Variants in MRPS6 observed in about 807,000 individuals in gnomAD.
The protein encoded by MRPS6 is mitochondrial ribosomal protein S6.
Under a neutral mutation model 13.1 loss-of-function variants are expected in MRPS6, and 6 were observed. That is an observed-to-expected ratio of 0.46 (90% confidence interval 0.25 to 0.91). MRPS6 has a LOEUF of 0.91. Among genes scored for constraint, MRPS6 ranks in the 40% least tolerant of loss-of-function variants. The probability of loss-of-function intolerance (pLI) is 0.18; values close to 1 mark genes in which losing one functional copy is unlikely to be tolerated. For synonymous variants in MRPS6, 61 were observed against 56.5 expected (o/e 1.08, Z -0.36); for missense variants, 164 against 155.6 (o/e 1.05, Z -0.29).
chr21:34,099,057 TAATTTTAGA>T, intron 1 of MRPS6: 1 of 998,760 alleles, frequency 1.0e-6, no homozygotes, highest in African/African-American at 1.7e-5. Flanking sequence ...AGTCCAAAGT[TAATTTTAGA>T]AATTGTCAGG....
In MRPS6 at chr21:34,142,418, G is replaced by T. The variant is rs748915163; in HGVS notation, c.196G>T (p.Val66Leu). 1.3e-6 allele frequency: 2 copies of T among 1,568,476 alleles called. No homozygotes were observed. Among genetic ancestry groups the T allele is most frequent in the East Asian group, 2.3e-5 (1 of 44,208 alleles). Reference protein sequence around the residue: ...QQHNRGGYFLVDFYAPTAAVE... With the variant: ...QQHNRGGYFLLDFYAPTAAVE... The stretch of plus-strand genomic sequence containing the variant: ...TTTATTTTATTGCAGGTATTTCTTG[G>T]TGGATTTTTATGCACCCACCGCAGC... The change falls in exon 3 of 3, where the codon GTG (valine) becomes TTG (leucine). Residue 66 changes from valine to leucine, a missense_variant. Physicochemically the swap from Val to Leu is conservative, Grantham distance 32 (BLOSUM62 1). Transcript: ENST00000399312.
Position 34,142,873 on chromosome 21 carries a change from T to C in MRPS6, c.*273T>C. The C allele has an allele frequency of 3.5e-6, 1 of 282,764 alleles. No homozygotes were observed. The highest frequency in any genetic ancestry group is 6.5e-6 in the Non-Finnish European group (1 of 153,172). 17.5% of individuals were successfully genotyped at this position (282,764 alleles called of 1,614,324 possible). A position where few individuals can be genotyped will look rare whatever the true frequency, so the allele number is the denominator to read the frequency against. ...CTTTGTCATTGAGGACTTTTCCCCT[T>C]ACAACAGTAACACCATTTTTTGAAG... is the stretch of plus-strand genomic sequence containing the variant. On this transcript the variant is annotated 3_prime_UTR_variant, in exon 3 of 3. Transcript: ENST00000399312.
chr21:34,097,238 G>A (rs376446722), intron 1 of MRPS6: 1 of 1,614,050 alleles, frequency 6.2e-7, no homozygotes, highest in African/African-American at 1.3e-5. Context: ...TGATGGAAGA[G>A]GAGGCTGTTT....
intron 1 of MRPS6, chr21:34,098,346 G>A (rs779159181): frequency 2.2e-5 from 22 of 1,000,046 alleles, no homozygotes; most frequent in East Asian, 1.1e-4. Context: ...AAAAATTGAC[G>A]CTGCCTTTGT....
intron 1 of MRPS6, among the ~76,000 whole-genome samples, chr21:34,085,125 T>C (rs1978324812): frequency 6.6e-6 from 1 of 152,244 alleles, no homozygotes; most frequent in South Asian, 2.1e-4. Context: ...CAGTATTCAA[T>C]CAAGGATCAT....
chr21:34,125,143 T>G, intron 1 of MRPS6, 198 bp from the exon 2 acceptor site: 2 of 808,336 alleles, frequency 2.5e-6, no homozygotes, highest in Non-Finnish European at 3.6e-6. Context: ...CTCGTATCTG[T>G]GAGCTATCTC....
intron 1 of MRPS6, among the ~76,000 whole-genome samples, chr21:34,076,939 A>G (rs1989345457): frequency 6.6e-6 from 1 of 152,242 alleles, no homozygotes; most frequent in Non-Finnish European, 1.5e-5. Flanking sequence ...ATAGCCGCAA[A>G]GGAGAGACCA....
At position 34,135,997 on chromosome 21, in the gene MRPS6, G is replaced by A. The variant is rs893556729; in HGVS notation, c.186-6411G>A. Reference sequence around the variant, plus strand: ...ATCATTTGTGCTGCATCATTGATCTGCACAGCGTCCACTTCCCAAAGAGCT... The same window carrying A: ...ATCATTTGTGCTGCATCATTGATCTACACAGCGTCCACTTCCCAAAGAGCT... On this transcript the variant is annotated intron_variant, in intron 2 of 2. Transcript: ENST00000399312. 4.9e-5 allele frequency: 15 copies of A among 304,382 alleles called. No individual in the cohort carries two copies. The East Asian group carries it at 1.4e-3, about 29-fold the overall frequency. The allele number at this position is 304,382 out of a possible 1,614,324, so 18.9% of individuals were successfully genotyped here.
At chr21:34,108,320 G>C (rs1979564441) in intron 1 of MRPS6, among the ~76,000 whole-genome samples, 1 of 152,120 alleles carries the variant, frequency 6.6e-6, no homozygotes, top group Non-Finnish European at 1.5e-5. Context: ...ATGTTTAGAT[G>C]CTCAAGTACT....
chr21:34,075,943 T>C (rs1989319795), intron 1 of MRPS6, among the ~76,000 whole-genome samples: 1 of 152,210 alleles, frequency 6.6e-6, no homozygotes, highest in African/African-American at 2.4e-5. Context: ...AAACCACAGT[T>C]CTAACCCGAG....
At chr21:34,101,749 A>G in intron 1 of MRPS6, 1 of 993,298 alleles carries the variant, frequency 1.0e-6, no homozygotes, top group Non-Finnish European at 1.2e-6. Flanking sequence ...AAATATAATT[A>G]TGTTTTAAGT....
chr21:34,109,638 T>G (rs1979619231), intron 1 of MRPS6, among the ~76,000 whole-genome samples: 1 of 152,222 alleles, frequency 6.6e-6, no homozygotes, highest in Admixed American at 6.5e-5. Context: ...CTTAAACTTT[T>G]GACCAATTGT....
At chr21:34,104,407 A>G in intron 1 of MRPS6, 7 of 1,000,222 alleles carry the variant, frequency 7.0e-6, no homozygotes, top group Non-Finnish European at 8.4e-6. Flanking sequence ...ATCAAGAATG[A>G]ATGAATGTCT....
intron 1 of MRPS6, among the ~76,000 whole-genome samples, chr21:34,113,004 CAAAT>C: frequency 6.6e-6 from 1 of 151,908 alleles, no homozygotes; most frequent in East Asian, 1.9e-4. Context: ...CAAAAACAAA[CAAAT>C]GAACAACAAC....
At chr21:34,107,675 A>G (rs1484969327) in intron 1 of MRPS6, among the ~76,000 whole-genome samples, 1 of 151,884 alleles carries the variant, frequency 6.6e-6, no homozygotes, top group South Asian at 2.1e-4. Context: ...TTTCCTGTTC[A>G]TTTGTCAGTA....
At chr21:34,097,434 T>A in intron 1 of MRPS6, 1 of 1,505,108 alleles carries the variant, frequency 6.6e-7, no homozygotes, top group Admixed American at 2.3e-5. Flanking sequence ...ACTGTGCATC[T>A]CTCAGGCATT....
In MRPS6 at chr21:34,073,684, T is replaced by C; in HGVS notation, c.-17T>C. ...GAACCGGCTGGCTTCCGAGCCGCACTCGCCGATCCTCCAGGCATGCCCCGC... is the reference window on the plus strand; with the variant it reads ...GAACCGGCTGGCTTCCGAGCCGCACCCGCCGATCCTCCAGGCATGCCCCGC... On this transcript the variant is annotated 5_prime_UTR_variant, in exon 1 of 3. Coordinates refer to ENST00000399312, the MANE Select transcript of MRPS6 (RefSeq NM_032476.4). 6.6e-7 allele frequency: 1 copy of C among 1,516,914 alleles called. No homozygotes were observed. The allele number at this position is 1,516,914 out of a possible 1,614,324, so 94.0% of individuals were successfully genotyped here. A position where few individuals can be genotyped will look rare whatever the true frequency, so the allele number is the denominator to read the frequency against.
chr21:34,079,977 C>A (rs554621020), intron 1 of MRPS6, among the ~76,000 whole-genome samples: 2 of 152,084 alleles, frequency 1.3e-5, no homozygotes, highest in Non-Finnish European at 2.9e-5. Context: ...TGAACAAATG[C>A]AGTTCTTTCT....
At chr21:34,079,117 G>C (rs757560071) in intron 1 of MRPS6, among the ~76,000 whole-genome samples, 2 of 152,150 alleles carry the variant, frequency 1.3e-5, no homozygotes, top group Non-Finnish European at 2.9e-5. Context: ...TGTGGCTTCC[G>C]GGCCAGATCT....
Sources: allele counts gnomAD v4.1 joint callset (sites outside exome capture counted in the v4.1 genomes callset), GRCh38; gene constraint gnomAD v4.1.1; transcripts MANE v1.5; gene names NCBI Gene and HGNC (gene_info 2026-07-23, HGNC 2026-07-21).